The following MNAT1 variants were observed in gnomAD, a reference collection of about 807,000 sequenced individuals.
The protein encoded by MNAT1 is CDK-activating kinase assembly factor MAT1.
In MNAT1, 43 loss-of-function variants were observed where a neutral mutation model predicts 42.0. The ratio of observed to expected loss-of-function variants is 1.02; its 90% CI spans 0.80 to 1.32. The LOEUF (loss-of-function observed/expected upper bound fraction) is 1.32. MNAT1 is among the 40% of genes most tolerant of loss of function. The pLI is 0.00. For synonymous variants in MNAT1, 118 were observed against 120.0 expected, an observed-to-expected ratio of 0.98 and a Z score of 0.11; for missense variants, 306 against 350.4, an observed-to-expected ratio of 0.87 and a Z score of 1.01.
intron 7 of MNAT1, among the ~76,000 whole-genome samples, chr14:60,880,892 T>C (rs978839878): frequency 1.3e-5 from 2 of 152,200 alleles, no homozygotes; most frequent in Non-Finnish European, 2.9e-5. Flanking sequence ...TAAACAATTG[T>C]CTTAAATGCT....
rs571554740 is a variant in MNAT1 at position 60,807,615 on chromosome 14, G to C, written c.317-710G>C. On this transcript the variant is annotated intron_variant, in intron 3 of 7. Coordinates refer to ENST00000261245, the MANE Select transcript of MNAT1 (RefSeq NM_002431.4). ...ATTATAGTAACTTTGATTTACATATGGAAAATTAGAAGGGAATATGGCATT... is the reference window on the plus strand; with the variant it reads ...ATTATAGTAACTTTGATTTACATATCGAAAATTAGAAGGGAATATGGCATT... Among the ~76,000 whole-genome samples, 5 of 152,034 alleles carry C rather than the reference G, an allele frequency of 3.3e-5. No homozygotes were observed. The South Asian group carries it at 1.0e-3, about 32-fold the overall frequency.
intron 7 of MNAT1, among the ~76,000 whole-genome samples, chr14:60,945,467 A>C (rs1294203181): frequency 1.2e-4 from 18 of 152,180 alleles, no homozygotes; most frequent in Admixed American, 1.2e-3. Context: ...TCACTTTACA[A>C]TATGGGCCCA....
chr14:60,769,113 A>G (rs531131149), intron 1 of MNAT1, among the ~76,000 whole-genome samples: 6 of 151,890 alleles, frequency 4.0e-5, no homozygotes, highest in Middle Eastern at 3.4e-3. Flanking sequence ...TTTCTATTAT[A>G]TTTTCTCCTC....
At chr14:60,810,122 T>A (rs906549816) in intron 4 of MNAT1, among the ~76,000 whole-genome samples, 13 of 152,062 alleles carry the variant, frequency 8.5e-5, no homozygotes, top group African/African-American at 3.1e-4. Flanking sequence ...AACTGAAGCG[T>A]AATATAATTA....
At chr14:60,957,303 G>A (rs1208497577) in intron 7 of MNAT1, among the ~76,000 whole-genome samples, 1 of 152,110 alleles carries the variant, frequency 6.6e-6, no homozygotes, top group Middle Eastern at 3.2e-3. Context: ...ATATACCTGA[G>A]ACTGGGTAAT....
intron 4 of MNAT1, among the ~76,000 whole-genome samples, chr14:60,810,055 A>G (rs1046423885): frequency 2.0e-5 from 3 of 151,966 alleles, no homozygotes; most frequent in African/African-American, 7.2e-5. Context: ...CTGTTTCTTC[A>G]TAATTTGGTC....
chr14:60,791,334 C>T (rs2031809830), intron 1 of MNAT1, among the ~76,000 whole-genome samples: 1 of 152,086 alleles, frequency 6.6e-6, no homozygotes, highest in Non-Finnish European at 1.5e-5. Context: ...AGTCTACTAT[C>T]TCTTCATAAT....
At chr14:60,760,302 A>C (rs555386775) in intron 1 of MNAT1, among the ~76,000 whole-genome samples, 4 of 152,244 alleles carry the variant, frequency 2.6e-5, no homozygotes, top group African/African-American at 7.2e-5. Flanking sequence ...GAAATTTAGA[A>C]ATATGAAATT....
chr14:60,875,057 C>G (rs557854019), intron 6 of MNAT1, among the ~76,000 whole-genome samples: 1 of 152,086 alleles, frequency 6.6e-6, no homozygotes, highest in Admixed American at 6.6e-5. Context: ...TGAACTTTGT[C>G]TTATCGTACT....
chr14:60,820,471 T>C (rs2032849721), intron 6 of MNAT1, among the ~76,000 whole-genome samples: 1 of 151,886 alleles, frequency 6.6e-6, no homozygotes, highest in Admixed American at 6.6e-5. Flanking sequence ...ATATATAATA[T>C]TAAAATAAGA....
intron 6 of MNAT1, among the ~76,000 whole-genome samples, chr14:60,872,112 G>A (rs903708525): frequency 1.3e-5 from 2 of 152,156 alleles, no homozygotes; most frequent in Admixed American, 6.5e-5. Flanking sequence ...TTTGGCTCAT[G>A]GTTCTGCAGG....
At chr14:60,847,170 C>T (rs1430342628) in intron 6 of MNAT1, among the ~76,000 whole-genome samples, 4 of 151,904 alleles carry the variant, frequency 2.6e-5, no homozygotes, top group Admixed American at 6.6e-5. Flanking sequence ...TTTGGGAGGC[C>T]GAGGCGGGCG....
At chr14:60,967,892 G>T (rs1178506565) in intron 7 of MNAT1, among the ~76,000 whole-genome samples, 1 of 152,198 alleles carries the variant, frequency 6.6e-6, no homozygotes, top group Non-Finnish European at 1.5e-5. Context: ...CCAGGAAGGA[G>T]AGCATTAGTT....
chr14:60,750,250 G>A (rs2030018170), intron 1 of MNAT1, among the ~76,000 whole-genome samples: 2 of 149,372 alleles, frequency 1.3e-5, no homozygotes, highest in Admixed American at 6.7e-5. Flanking sequence ...TTTTTGAGAC[G>A]GAATCTCGTT....
intron 4 of MNAT1, among the ~76,000 whole-genome samples, chr14:60,811,588 C>A (rs923939290): frequency 2.6e-5 from 4 of 152,002 alleles, no homozygotes; most frequent in African/African-American, 9.7e-5. Flanking sequence ...AGGTGTGAGC[C>A]GCTGCGTAGG....
At chr14:60,770,325 C>T (rs192165862) in intron 1 of MNAT1, among the ~76,000 whole-genome samples, 4 of 152,128 alleles carry the variant, frequency 2.6e-5, no homozygotes, top group African/African-American at 9.6e-5. Context: ...TCTATTCATC[C>T]ATCAGTGGAT....
chr14:60,909,347 T>A (rs2139522513), intron 7 of MNAT1, among the ~76,000 whole-genome samples: 1 of 152,278 alleles, frequency 6.6e-6, no homozygotes, highest in African/African-American at 2.4e-5. Context: ...ATTTGTCAAT[T>A]TTGGCTTTTG....
intron 7 of MNAT1, among the ~76,000 whole-genome samples, chr14:60,930,200 T>A (rs2035856503): frequency 8.3e-6 from 1 of 120,812 alleles, no homozygotes; most frequent in African/African-American, 3.1e-5. Context: ...AGATTCTTCT[T>A]CCGTCTTTAT....
At position 60,911,109 on chromosome 14, in the gene MNAT1, T is replaced by C. The variant is rs925537763; in HGVS notation, c.809+31274T>C. The stretch of plus-strand genomic sequence containing the variant: ...TCTTCTAGATTTTCTAGTTTATTTG[T>C]GTAGAGGTGTTTATAGTATTCTCTG... On this transcript the variant is annotated intron_variant, in intron 7 of 7. Coordinates refer to ENST00000261245, the MANE Select transcript of MNAT1 (RefSeq NM_002431.4). Among the ~76,000 whole-genome samples, 8 of 152,300 alleles carry C rather than the reference T, an allele frequency of 5.3e-5. No homozygotes were observed. The East Asian group carries it at 1.4e-3, about 26-fold the overall frequency.
Sources: gnomAD v4.1 joint callset for allele counts (sites outside exome capture counted in the v4.1 genomes callset) on GRCh38, gnomAD v4.1.1 for gene constraint, MANE v1.5 for transcripts, NCBI Gene and HGNC (gene_info 2026-07-23, HGNC 2026-07-21) for gene names.